AMN: variants seen among roughly 807,000 people sequenced by gnomAD.
The protein encoded by AMN is protein amnionless.
Under a neutral mutation model 49.1 loss-of-function variants are expected in AMN, and 40 were observed. The ratio of observed to expected loss-of-function variants is 0.81; its 90% CI spans 0.63 to 1.06. The LOEUF (loss-of-function observed/expected upper bound fraction) is 1.06, where lower values mean the gene tolerates loss of function less well. Ranked by LOEUF, AMN falls within the 50% of genes least tolerant of loss-of-function variation. AMN has a pLI of 0.00. For missense variants in AMN, 701 were observed against 662.8 expected (o/e 1.06, Z -0.63); for synonymous variants, 380 against 313.3 (o/e 1.21, Z -2.25).
Position 102,928,520 on chromosome 14 carries a change from C to G in AMN, c.295+7C>G, listed in dbSNP as rs1566827596. On this transcript the variant is annotated splice_region_variant and intron_variant, in intron 4 of 11. Transcript: ENST00000299155. ...CACCTGGACTGTGGCGCGGGTGAGG[C>G]GGTCGGGCAGGGGCGGGGCTCTGGA... The G allele has an allele frequency of 9.4e-6, 15 of 1,602,988 alleles. No individual in the cohort carries two copies. The highest frequency in any genetic ancestry group is 1.3e-5 in the Non-Finnish European group (15 of 1,177,518).
intron 1 of AMN, chr14:102,923,035 C>T (rs772035824): frequency 1.9e-5 from 8 of 414,364 alleles, no homozygotes; most frequent in Admixed American, 4.0e-5. Context: ...GGGCGCGGTC[C>T]CCAGAACCTG....
chr14:102,923,560 A>G, intron 1 of AMN, 151 bp from the exon 2 acceptor site: 1 of 752,584 alleles, frequency 1.3e-6, no homozygotes, highest in Non-Finnish European at 2.3e-6. Context: ...GCCGGGAGGG[A>G]CCAGGGTCTG....
chr14:102,923,067 C>A (rs2139299583), intron 1 of AMN: 1 of 326,608 alleles, frequency 3.1e-6, no homozygotes, highest in Middle Eastern at 9.8e-4. Context: ...GAGTGTGCGC[C>A]TGCGGGGCTC....
Position 102,928,432 on chromosome 14 carries a change from C to T in AMN, c.214C>T (p.Pro72Ser), listed in dbSNP as rs1328120965. The T allele has an allele frequency of 2.5e-6, 4 of 1,602,170 alleles. No homozygotes were observed. The highest frequency in any genetic ancestry group is 1.7e-5 in the Admixed American group (1 of 59,026). The change falls in exon 4 of 12, where the codon CCG becomes TCG. Residue 72 changes from proline (P) to serine (S), a missense_variant. Transcript: ENST00000299155. ...EGHAVSDMLL[P>S]LDGELVLASG... ...CAGCCCGTGTCTCTTGCAGCTCCTG[C>T]CGCTGGATGGGGAACTCGTCCTGGC...
chr14:102,923,752 G>T lies in AMN; in HGVS notation c.85G>T (p.Asp29Tyr). The T allele has an allele frequency of 6.2e-7, 1 of 1,612,806 alleles. No individual in the cohort carries two copies. Among genetic ancestry groups the T allele is most frequent in the Non-Finnish European group, 8.5e-7 (1 of 1,179,876 alleles). ...CTCCAAACTCTGGGTCCCCAACACGGACTTCGACGTCGCAGCCAACTGGAG... is the reference window on the plus strand; with the variant it reads ...CTCCAAACTCTGGGTCCCCAACACGTACTTCGACGTCGCAGCCAACTGGAG... ...AVSKLWVPNTDFDVAANWSQN... is the reference protein window; with the variant it reads ...AVSKLWVPNTYFDVAANWSQN... Residue 29 changes from aspartate to tyrosine, a missense_variant, in exon 2 of 12, where the codon GAC becomes TAC. Transcript: ENST00000299155.
chr14:102,927,422 C>G (rs1595432446), intron 3 of AMN, among the ~76,000 whole-genome samples: 1 of 152,192 alleles, frequency 6.6e-6, no homozygotes, highest in Non-Finnish European at 1.5e-5. Flanking sequence ...CCTGGGAACC[C>G]CTCCCTGTTC....
chr14:102,923,484 G>C (rs373726815), intron 1 of AMN: 1 of 554,272 alleles, frequency 1.8e-6, no homozygotes, highest in Non-Finnish European at 3.3e-6. Flanking sequence ...GGGCGCGTTT[G>C]AGCGGGCTCT....
Position 102,930,340 on chromosome 14 carries a change from G to GGGGCGC in AMN, c.1169+16_1169+21dup, listed in dbSNP as rs1350793134. On this transcript the variant is annotated intron_variant, in intron 10 of 11. Coordinates refer to ENST00000299155, the MANE Select transcript of AMN (RefSeq NM_030943.4). ...CGGGGAGGCTCAGGTACGCGGGGCG[G>GGGGCGC]GGGCGCGGAGGTGGGGCTGGGGGTT... 7.1e-6 allele frequency: 10 copies of GGGGCGC among 1,410,108 alleles called. No homozygotes were observed. Among genetic ancestry groups the GGGGCGC allele is most frequent in the Non-Finnish European group, 7.3e-6 (8 of 1,089,816 alleles). 87.3% of individuals were successfully genotyped at this position (1,410,108 alleles called of 1,614,324 possible).
In AMN at chr14:102,930,725, C is replaced by T. The variant is rs778988357; in HGVS notation, c.*45C>T. 8.5e-6 allele frequency: 13 copies of T among 1,537,910 alleles called. No homozygotes were observed. The African/African-American group carries it at 1.1e-4, about 13-fold the overall frequency. On this transcript the variant is annotated 3_prime_UTR_variant, in exon 12 of 12. Transcript: ENST00000299155. ...CCTTGGGGCTCTCCACCCGCTCTGG[C>T]CCCAGTCGAACTGGGGGCTAGCCAC...
rs763597496 is a variant in AMN, at chr14:102,930,310, C to T, written c.1152C>T (p.Arg384=). ...TGCTGGTGGCGCCGCCGCTGCTGCG[C>T]CGCGCGGGGAGGCTCAGGTACGCGG... ...LVLLVAPPLL[R]RAGRLRWRRH... is the part of the protein sequence containing the mutation. The change falls in exon 10 of 12, where the codon CGC becomes CGT. Residue 384 remains arginine (R), a synonymous_variant. Transcript: ENST00000299155. 2.4e-5 allele frequency: 33 copies of T among 1,377,556 alleles called. No individual in the cohort carries two copies. The highest frequency in any genetic ancestry group is 1.7e-4 in the South Asian group (10 of 58,568). 85.3% of individuals were successfully genotyped at this position (1,377,556 alleles called of 1,614,324 possible).
In AMN at chr14:102,930,426, C is replaced by T; in HGVS notation, c.1190C>T (p.Ala397Val). 1.3e-6 allele frequency: 2 copies of T among 1,520,224 alleles called. No individual in the cohort carries two copies. The highest frequency in any genetic ancestry group is 2.0e-5 in the Admixed American group (1 of 49,756). The allele number at this position is 1,520,224 out of a possible 1,614,324, so 94.2% of individuals were successfully genotyped here. ...GRLRWRRHEA[A>V]APAGAPLGFR... Reference sequence around the variant, plus strand: ...CTCAGGTGGAGGAGGCACGAGGCGGCGGCCCCGGCTGGAGCGCCCCTCGGC... The same window carrying T: ...CTCAGGTGGAGGAGGCACGAGGCGGTGGCCCCGGCTGGAGCGCCCCTCGGC... Residue 397 changes from alanine to valine, a missense_variant, in exon 11 of 12, where the codon GCG becomes GTG. Transcript: ENST00000299155.
At chr14:102,930,523 T>G (rs1420274411) in intron 11 of AMN, 30 bp downstream of exon 11, 2 of 1,541,834 alleles carry the variant, frequency 1.3e-6, no homozygotes, top group South Asian at 1.2e-5. Flanking sequence ...GACCGGGGCC[T>G]CCTCGGGGCC....
rs141455061 is a variant in AMN at position 102,928,825 on chromosome 14, G to A, written c.363G>A (p.Gly121=). 8,782 of 1,607,086 alleles carry A rather than the reference G, an allele frequency of 5.5e-3. 64 individuals are homozygous for A. Among genetic ancestry groups the A allele is most frequent in the Non-Finnish European group, 5.2e-3 (6,148 of 1,179,846 alleles). The stretch of plus-strand genomic sequence containing the variant: ...ATGACCCGCACCTGTGGCGCTCTGG[G>A]GACGAGGCACCTGGCCTCTTCTTCG... ...SWHDPHLWRS[G]DEAPGLFFVD... is the part of the protein sequence containing the mutation. Residue 121 remains glycine, a synonymous_variant, in exon 5 of 12, where the codon GGG becomes GGA. Transcript: ENST00000299155.
Position 102,930,615 on chromosome 14 carries a change from G to A in AMN, c.1297G>A (p.Ala433Thr). Reference protein sequence around the residue: ...RRLSLVPKAAADSTSHSYFVN... With the variant: ...RRLSLVPKAATDSTSHSYFVN... ...GCTCAGCCTGGTTCCGAAGGCGGCC[G>A]CAGACAGCACCAGCCACAGTTACTT... The change falls in exon 12 of 12, where the codon GCA becomes ACA. Residue 433 changes from alanine to threonine, a missense_variant. Ala to Thr is a moderately conservative substitution (Grantham distance 58, BLOSUM62 0). Transcript: ENST00000299155. 1 of 1,593,212 alleles carries A rather than the reference G, an allele frequency of 6.3e-7. No individual in the cohort carries two copies.
intron 3 of AMN, among the ~76,000 whole-genome samples, chr14:102,926,062 C>G (rs1209483082): frequency 6.6e-6 from 1 of 152,216 alleles, no homozygotes; most frequent in African/African-American, 2.4e-5. Context: ...TGTCTTTCAC[C>G]CATCCCCCTG....
Position 102,930,099 on chromosome 14 carries a change from G to T in AMN, c.1006+13G>T, listed in dbSNP as rs758007889. ...GTCGCCGAGAACGGTAACCGCGCCC[G>T]CCCCATCCCGCCCCGCCGCGCCTCG... On this transcript the variant is annotated intron_variant, in intron 9 of 11. Coordinates refer to ENST00000299155, the MANE Select transcript of AMN (RefSeq NM_030943.4). 6 of 1,515,316 alleles carry T rather than the reference G, an allele frequency of 4.0e-6. No individual in the cohort carries two copies. The South Asian group carries it at 7.4e-5, about 19-fold the overall frequency. 93.9% of individuals were successfully genotyped at this position (1,515,316 alleles called of 1,614,324 possible).
chr14:102,929,165 C>T lies in AMN; in HGVS notation c.558C>T (p.Arg186=), dbSNP rs771220137. Residue 186 remains arginine, a synonymous_variant, in exon 6 of 12, where the codon CGC becomes CGT. Coordinates refer to ENST00000299155, the MANE Select transcript of AMN (RefSeq NM_030943.4). The part of the protein sequence containing the change: ...DEDLAVFLAS[R]AGRLRFHGPG... ...ACCTGGCTGTTTTCCTGGCGTCCCG[C>T]GCGGGCCGCCTACGCTTCCACGGGC... 1.1e-5 allele frequency: 18 copies of T among 1,595,860 alleles called. No homozygotes were observed. The African/African-American group carries it at 2.3e-4, about 20-fold the overall frequency.
rs1176715894 is a variant in AMN, at chr14:102,922,724, G to C, written c.36G>C (p.Gln12His). 3 of 1,590,732 alleles carry C rather than the reference G, an allele frequency of 1.9e-6. No homozygotes were observed. The South Asian group carries it at 3.4e-5, about 18-fold the overall frequency. The change falls in exon 1 of 12, where the codon CAG becomes CAC. Residue 12 changes from glutamine (Q) to histidine (H), a missense_variant. Gln to His is a conservative substitution (Grantham distance 24, BLOSUM62 0). Coordinates refer to ENST00000299155, the MANE Select transcript of AMN (RefSeq NM_030943.4). ...TGGGCCGGGTCCTGCTGTGGCTGCA[G>C]CTCTGCGGTGAGCCGGGACCACACC... The part of the protein sequence containing the change: ...GVLGRVLLWL[Q>H]LCALTQAVSK...
intron 3 of AMN, among the ~76,000 whole-genome samples, chr14:102,924,478 C>T (rs1212381794): frequency 2.6e-5 from 4 of 152,202 alleles, no homozygotes; most frequent in Non-Finnish European, 5.9e-5. Flanking sequence ...CCCCTATTGT[C>T]ACTGCGCCAG....
Sources: allele counts gnomAD v4.1 joint callset (sites outside exome capture counted in the v4.1 genomes callset), GRCh38; gene constraint gnomAD v4.1.1; transcripts MANE v1.5; gene names NCBI Gene and HGNC (gene_info 2026-07-23, HGNC 2026-07-21).